Variants in PARP10 observed in about 807,000 individuals in gnomAD.
PARP10 encodes protein mono-ADP-ribosyltransferase PARP10.
In PARP10, 56 loss-of-function variants were observed where a neutral mutation model predicts 82.4. The ratio of observed to expected loss-of-function variants is 0.68; its 90% CI spans 0.55 to 0.85. The LOEUF is 0.85. Ranked by LOEUF, PARP10 falls within the 40% of genes least tolerant of loss-of-function variation. The pLI is 0.00. For synonymous variants in PARP10, 576 were observed against 601.1 expected, an observed-to-expected ratio of 0.96 and a Z score of 0.61; for missense variants, 1,227 against 1,379.4, an observed-to-expected ratio of 0.89 and a Z score of 1.75.
Position 143,980,043 on chromosome 8 carries a change from C to A in PARP10, c.2557-1962G>T, listed in dbSNP as rs187446015. Among the ~76,000 whole-genome samples, 236 of 135,130 alleles carry A rather than the reference C, an allele frequency of 1.7e-3. 6 individuals are homozygous for A. The East Asian group carries it at 0.052, about 30-fold the overall frequency. The allele number at this position is 135,130 out of a possible 152,430, so 88.7% of individuals were successfully genotyped here. Reference sequence around the variant, plus strand: ...AAAAAAAAAAAAAACCCGTCTCAGCCGGGCGCGGTGGCTCACGCCTGTAAT... The same window carrying A: ...AAAAAAAAAAAAAACCCGTCTCAGCAGGGCGCGGTGGCTCACGCCTGTAAT... On this transcript the variant is annotated intron_variant, in intron 9 of 10. Transcript: ENST00000313028.
chr8:143,980,028 A>C (rs1313654864), intron 9 of PARP10, among the ~76,000 whole-genome samples: 6 of 145,190 alleles, frequency 4.1e-5, no homozygotes, highest in Non-Finnish European at 9.0e-5. Flanking sequence ...AAAAAAAAAA[A>C]AAACCCGTCT....
chr8:144,001,504 C>T (rs1554751704), intron 1 of PARP10, among the ~76,000 whole-genome samples: 1 of 152,084 alleles, frequency 6.6e-6, no homozygotes, highest in African/African-American at 2.4e-5. Context: ...GTCAGGAGTT[C>T]AAGACCGGCC....
chr8:143,991,483 A>G (rs1283064798), upstream of PARP10: 4 of 1,516,628 alleles, frequency 2.6e-6, no homozygotes, highest in South Asian at 2.5e-5. Flanking sequence ...TACCCACAAG[A>G]GGGCTACCCA....
chr8:143,984,581 A>G lies in PARP10; in HGVS notation c.1421T>C (p.Leu474Pro), dbSNP rs1169683470. 6.2e-7 allele frequency: 1 copy of G among 1,613,490 alleles called. No homozygotes were observed. The highest frequency in any genetic ancestry group is 8.5e-7 in the Non-Finnish European group (1 of 1,179,742). The change falls in exon 5 of 11, where the codon CTC becomes CCC. Residue 474 changes from leucine (L) to proline (P), a missense_variant. Physicochemically the swap from Leu to Pro is moderately conservative, Grantham distance 98 (BLOSUM62 -3). Coordinates refer to ENST00000313028, the MANE Select transcript of PARP10 (RefSeq NM_032789.5). ...CATATCCGGTCCTTCAAGTGGCAAG[A>G]GAGCGACGTCTCCCAGGCCCGCAAG... ...DLLAGLGDVA[L>P]LPLEGPDMTG...
upstream of PARP10, chr8:143,986,687 T>C: frequency 5.9e-6 from 3 of 508,944 alleles, no homozygotes; most frequent in South Asian, 7.2e-5. Flanking sequence ...GAGTGTCCCC[T>C]GGTGGCCCTC....
At chr8:143,992,624 C>T, upstream of PARP10, 2 of 1,614,104 alleles carry the variant, frequency 1.2e-6, no homozygotes, top group Non-Finnish European at 1.7e-6. Context: ...TGAGGGGTGA[C>T]CTTGGCCGGG....
chr8:143,986,757 A>C, upstream of PARP10: 3 of 318,148 alleles, frequency 9.4e-6, no homozygotes, highest in East Asian at 7.2e-5. Flanking sequence ...AAACCCACCA[A>C]GGGGCCTGAG....
intron 1 of PARP10, among the ~76,000 whole-genome samples, chr8:144,007,112 C>T (rs139464432): frequency 6.6e-5 from 10 of 152,352 alleles, no homozygotes; most frequent in African/African-American, 2.4e-4. Context: ...AGCAAGGCTC[C>T]AAAGCCCGAC....
chr8:143,987,347 C>A (rs1240635948), upstream of PARP10, among the ~76,000 whole-genome samples: 5 of 152,206 alleles, frequency 3.3e-5, no homozygotes, highest in African/African-American at 9.6e-5. Context: ...CCCAGCCCCA[C>A]CCCTGCTGTT....
intron 1 of PARP10, among the ~76,000 whole-genome samples, chr8:144,010,055 AT>A: frequency 6.6e-6 from 1 of 151,926 alleles, no homozygotes; most frequent in Non-Finnish European, 1.5e-5. Flanking sequence ...TGGGCCCTCC[AT>A]CCCTCCCCAG....
chr8:143,991,851 G>A, upstream of PARP10: 1 of 1,610,080 alleles, frequency 6.2e-7, no homozygotes, highest in East Asian at 2.2e-5. Flanking sequence ...GCTCCCAGCG[G>A]ATGACTCTGA....
chr8:143,984,987 G>A lies in PARP10; in HGVS notation c.1015C>T (p.Pro339Ser). The A allele has an allele frequency of 6.2e-7, 1 of 1,613,900 alleles. No homozygotes were observed. Among genetic ancestry groups the A allele is most frequent in the Non-Finnish European group, 8.5e-7 (1 of 1,179,990 alleles). ...GQSGTSLRTGPMGSLGQAEQV... is the reference protein window; with the variant it reads ...GQSGTSLRTGSMGSLGQAEQV... Reference sequence around the variant, plus strand: ...TCTGCCTGTCCCAGAGACCCCATGGGACCTGTCCTCAGAGAGGTCCCTGAC... The same window carrying A: ...TCTGCCTGTCCCAGAGACCCCATGGAACCTGTCCTCAGAGAGGTCCCTGAC... The change falls in exon 5 of 11, where the codon CCC (proline) becomes TCC (serine). Residue 339 changes from proline (P) to serine (S), a missense_variant. By Grantham distance (74) the Pro-to-Ser change is moderately conservative (BLOSUM62 -1). Transcript: ENST00000313028.
At chr8:144,010,414 G>A (rs181440938) in intron 1 of PARP10, among the ~76,000 whole-genome samples, 12 of 152,294 alleles carry the variant, frequency 7.9e-5, no homozygotes, top group African/African-American at 2.4e-4. Flanking sequence ...TGCATCAGCC[G>A]GAGTTCTTTT....
intron 1 of PARP10, among the ~76,000 whole-genome samples, chr8:144,009,770 C>T (rs2133084955): frequency 6.6e-6 from 1 of 152,276 alleles, no homozygotes; most frequent in South Asian, 2.1e-4. Context: ...ATGCCAGAAG[C>T]CGCAAGGCCA....
At position 143,977,245 on chromosome 8, in the gene PARP10, C is replaced by T. The variant is rs1554746369; in HGVS notation, c.*239G>A. 2 of 528,960 alleles carry T rather than the reference C, an allele frequency of 3.8e-6. No homozygotes were observed. The highest frequency in any genetic ancestry group is 3.6e-5 in the Admixed American group (1 of 27,704). The allele number at this position is 528,960 out of a possible 1,614,324, so 32.8% of individuals were successfully genotyped here. A position where few individuals can be genotyped will look rare whatever the true frequency, so the allele number is the denominator to read the frequency against. The stretch of plus-strand genomic sequence containing the variant: ...GCGAGGTCTGGGAGCGGCGGGCGGG[C>T]GGTGTCGCCTCCTGGGCTCTGCTGA... On this transcript the variant is annotated 3_prime_UTR_variant, in exon 11 of 11. Transcript: ENST00000313028.
intron 1 of PARP10, among the ~76,000 whole-genome samples, chr8:144,000,118 A>T (rs2133075606): frequency 1.3e-5 from 2 of 152,334 alleles, no homozygotes; most frequent in South Asian, 4.1e-4. Context: ...TTACGAGCCC[A>T]GCATTGTGAG....
At chr8:143,986,296 G>A (rs782522188) in intron 1 of PARP10, 62 bp downstream of exon 1, 2 of 1,613,698 alleles carry the variant, frequency 1.2e-6, no homozygotes, top group East Asian at 2.2e-5. Flanking sequence ...CCCTCCCCAG[G>A]CCCCTCCAAG....
chr8:143,992,597 C>T (rs950048864), upstream of PARP10: 3 of 1,614,046 alleles, frequency 1.9e-6, no homozygotes, highest in Non-Finnish European at 2.5e-6. Flanking sequence ...GGGCGCTCTG[C>T]TCTTCACCTG....
At chr8:144,003,723 G>C (rs1290140185) in intron 1 of PARP10, among the ~76,000 whole-genome samples, 2 of 152,074 alleles carry the variant, frequency 1.3e-5, no homozygotes, top group East Asian at 3.9e-4. Context: ...CGTAAAAAAA[G>C]AGCAACAGAA....
Sources: allele counts gnomAD v4.1 joint callset (sites outside exome capture counted in the v4.1 genomes callset), GRCh38; gene constraint gnomAD v4.1.1; transcripts MANE v1.5; gene names NCBI Gene and HGNC (gene_info 2026-07-23, HGNC 2026-07-21).